The following EXOC1L variants were observed in gnomAD, a reference collection of about 807,000 sequenced individuals.
EXOC1L encodes the protein exocyst complex component 1-like.
EXOC1L carries 10 observed loss-of-function variants against 4.9 expected under a neutral mutation model. The ratio of observed to expected loss-of-function variants is 2.02; its 90% CI spans 1.25 to 3.43. The LOEUF is 3.43. Ranked by LOEUF, EXOC1L falls within the 30% of genes most tolerant of loss-of-function variation. The probability of loss-of-function intolerance (pLI) is 0.00; values close to 1 mark genes in which losing one functional copy is unlikely to be tolerated. For missense variants in EXOC1L, 114 were observed against 59.4 expected, an observed-to-expected ratio of 1.92 and a Z score of -3.02; for synonymous variants, 41 against 20.8, an observed-to-expected ratio of 1.97 and a Z score of -2.63.
In EXOC1L at chr4:55,837,087, C is replaced by T; in HGVS notation, c.255C>T (p.Asp85=). 1 of 697,944 alleles carries T rather than the reference C, an allele frequency of 1.4e-6. No homozygotes were observed. The highest frequency in any genetic ancestry group is 1.5e-5 in the South Asian group (1 of 66,812). The allele number at this position is 697,944 out of a possible 1,614,324, so 43.2% of individuals were successfully genotyped here. ...TCATGTCTCTCATTCTCTTCCAGGA[C>T]AATCCATTTTTTGATCTGCACTTCA... ...QMIDGKEADT[D]NPFFDLHFKK... Residue 85 remains aspartate (D), a splice_region_variant and synonymous_variant, in exon 3 of 3, where the codon GAC becomes GAT. Coordinates refer to ENST00000636125, the MANE Select transcript of EXOC1L (RefSeq NM_001351574.3).
At chr4:55,821,360 T>G (rs192950271) in intron 1 of EXOC1L, among the ~76,000 whole-genome samples, 49 of 152,194 alleles carry the variant, frequency 3.2e-4, no homozygotes, top group African/African-American at 1.2e-3. Context: ...AAAAACAATA[T>G]AAGTAAGAAA....
intron 1 of EXOC1L, among the ~76,000 whole-genome samples, chr4:55,823,321 A>T (rs1719793219): frequency 6.6e-6 from 1 of 152,142 alleles, no homozygotes; most frequent in East Asian, 1.9e-4. Flanking sequence ...AATTTTAAAG[A>T]CTTCATTTGG....
intron 1 of EXOC1L, among the ~76,000 whole-genome samples, chr4:55,823,608 G>T (rs1719801297): frequency 6.6e-6 from 1 of 152,150 alleles, no homozygotes; most frequent in Non-Finnish European, 1.5e-5. Context: ...TATCCAAACA[G>T]CTATGCATAT....
At chr4:55,827,913 G>A (rs1456470175) in intron 1 of EXOC1L, among the ~76,000 whole-genome samples, 1 of 151,282 alleles carries the variant, frequency 6.6e-6, no homozygotes, top group East Asian at 1.9e-4. Flanking sequence ...GTCTTCCCAA[G>A]ACTAACATCT....
intron 2 of EXOC1L, among the ~76,000 whole-genome samples, chr4:55,836,325 T>C (rs983632520): frequency 7.9e-5 from 12 of 151,954 alleles, no homozygotes; most frequent in African/African-American, 2.9e-4. Context: ...TGATAAATAA[T>C]GCGAAATATC....
chr4:55,835,443 T>C (rs1452299082), intron 2 of EXOC1L, among the ~76,000 whole-genome samples: 1 of 151,954 alleles, frequency 6.6e-6, no homozygotes, highest in African/African-American at 2.4e-5. Flanking sequence ...TTCTTTTCCA[T>C]AGTGGTTGTG....
chr4:55,822,420 G>A (rs185635611), intron 1 of EXOC1L, among the ~76,000 whole-genome samples: 39 of 152,266 alleles, frequency 2.6e-4, no homozygotes, highest in South Asian at 6.2e-4. Flanking sequence ...TGGAACTAGC[G>A]TCCCCTACCT....
At chr4:55,830,192 A>T (rs976305458) in intron 1 of EXOC1L, among the ~76,000 whole-genome samples, 1 of 152,154 alleles carries the variant, frequency 6.6e-6, no homozygotes, top group Non-Finnish European at 1.5e-5. Context: ...CTATGATTAT[A>T]CTGTGATATA....
At chr4:55,833,105 T>C (rs1031545661) in intron 2 of EXOC1L, among the ~76,000 whole-genome samples, 1 of 152,006 alleles carries the variant, frequency 6.6e-6, no homozygotes, top group African/African-American at 2.4e-5. Context: ...AATATTCATG[T>C]AACACCTTTT....
At chr4:55,830,444 T>G (rs1013384992) in intron 1 of EXOC1L, among the ~76,000 whole-genome samples, 11 of 152,188 alleles carry the variant, frequency 7.2e-5, no homozygotes, top group Non-Finnish European at 1.2e-4. Flanking sequence ...GCAGGGACCA[T>G]GTCTTTTACT....
chr4:55,827,168 G>T (rs1719906819), intron 1 of EXOC1L, among the ~76,000 whole-genome samples: 1 of 152,126 alleles, frequency 6.6e-6, no homozygotes, highest in South Asian at 2.1e-4. Context: ...TCAGGAACTA[G>T]TCTTGCCTAA....
At chr4:55,821,685 A>AAATAATTC (rs1719747592) in intron 1 of EXOC1L, among the ~76,000 whole-genome samples, 1 of 152,230 alleles carries the variant, frequency 6.6e-6, no homozygotes, top group Non-Finnish European at 1.5e-5. Flanking sequence ...AAATGTTTGG[A>AAATAATTC]AATAATTCAA....
chr4:55,837,471 T>A lies in EXOC1L; in HGVS notation c.*120T>A, dbSNP rs1446806589. ...TATTATAATTTAAATAAAAATAAAG[T>A]AATGCTTTGTGAATTGCAGTGAAAT... On this transcript the variant is annotated 3_prime_UTR_variant, in exon 3 of 3. Coordinates refer to ENST00000636125, the MANE Select transcript of EXOC1L (RefSeq NM_001351574.3). 2.2e-6 allele frequency: 1 copy of A among 446,504 alleles called. No homozygotes were observed. The highest frequency in any genetic ancestry group is 4.0e-6 in the Non-Finnish European group (1 of 252,998). The allele number at this position is 446,504 out of a possible 1,614,324, so 27.7% of individuals were successfully genotyped here.
Position 55,820,044 on chromosome 4 carries a change from G to A in EXOC1L, c.18G>A (p.Lys6=). The change falls in exon 1 of 3, where the codon AAG becomes AAA. Residue 6 remains lysine (K), a synonymous_variant. Transcript: ENST00000636125. The part of the protein sequence containing the change: MSSLV[K]EDLEKKLFKP... ...TGGAGGAAATGTCATCATTGGTAAAGGAGGACTTGGAGAAGAAACTGTTTA... is the reference window on the plus strand; with the variant it reads ...TGGAGGAAATGTCATCATTGGTAAAAGAGGACTTGGAGAAGAAACTGTTTA... 2.5e-6 allele frequency: 1 copy of A among 399,116 alleles called. No individual in the cohort carries two copies. Among genetic ancestry groups the A allele is most frequent in the Non-Finnish European group, 4.4e-6 (1 of 226,136 alleles). 24.7% of individuals were successfully genotyped at this position (399,116 alleles called of 1,614,324 possible). A position where few individuals can be genotyped will look rare whatever the true frequency, so the allele number is the denominator to read the frequency against.
At position 55,828,062 on chromosome 4, in the gene EXOC1L, CCT is replaced by C. The variant is rs375784913; in HGVS notation, c.122-3268_122-3267del. Among the ~76,000 whole-genome samples, 82 of 152,208 alleles carry C rather than the reference CCT, an allele frequency of 5.4e-4. No individual in the cohort carries two copies. The East Asian group carries it at 0.015, about 27-fold the overall frequency. ...CAAGTTAAGATCTTCTGCTTGAGGTCCTCTCCAGAAGATGTGCCTTAGTCACT... is the reference window on the plus strand; with the variant it reads ...CAAGTTAAGATCTTCTGCTTGAGGTCCTCCAGAAGATGTGCCTTAGTCACT... On this transcript the variant is annotated intron_variant, in intron 1 of 2. Coordinates refer to ENST00000636125, the MANE Select transcript of EXOC1L (RefSeq NM_001351574.3).
intron 1 of EXOC1L, among the ~76,000 whole-genome samples, chr4:55,830,974 T>G (rs940546975): frequency 6.6e-6 from 1 of 152,196 alleles, no homozygotes; most frequent in Admixed American, 6.5e-5. Context: ...CGTGTTCTGA[T>G]AAACACTTGG....
At chr4:55,836,974 G>C in intron 2 of EXOC1L, 111 bp from the exon 3 acceptor site, 3 of 495,076 alleles carry the variant, frequency 6.1e-6, no homozygotes, top group Non-Finnish European at 7.2e-6. Flanking sequence ...AAATATGTTT[G>C]ATACTGATAC....
intron 1 of EXOC1L, among the ~76,000 whole-genome samples, chr4:55,825,300 T>A (rs1458041600): frequency 6.6e-6 from 1 of 152,202 alleles, no homozygotes; most frequent in African/African-American, 2.4e-5. Context: ...TTTTTTCGAC[T>A]TTACCATATT....
In EXOC1L at chr4:55,837,029, G is replaced by C. The variant is rs1720181903; in HGVS notation, c.253-56G>C. ...TCCAAGAGAATATGAGAGAATCCAGGAAACCTAACTACTTTCTTGGCTACC... is the reference window on the plus strand; with the variant it reads ...TCCAAGAGAATATGAGAGAATCCAGCAAACCTAACTACTTTCTTGGCTACC... On this transcript the variant is annotated intron_variant, in intron 2 of 2. Coordinates refer to ENST00000636125, the MANE Select transcript of EXOC1L (RefSeq NM_001351574.3). 10 of 610,500 alleles carry C rather than the reference G, an allele frequency of 1.6e-5. No individual in the cohort carries two copies. In the South Asian group the frequency reaches 2.0e-4, roughly 12 times the overall value. The allele number at this position is 610,500 out of a possible 1,614,324, so 37.8% of individuals were successfully genotyped here. A position where few individuals can be genotyped will look rare whatever the true frequency, so the allele number is the denominator to read the frequency against.
Sources: gnomAD v4.1 joint callset for allele counts (sites outside exome capture counted in the v4.1 genomes callset) on GRCh38, gnomAD v4.1.1 for gene constraint, MANE v1.5 for transcripts, NCBI Gene and HGNC (gene_info 2026-07-23, HGNC 2026-07-21) for gene names.